The following AGBL1 variants were observed in gnomAD, a reference collection of about 807,000 sequenced individuals.
AGBL1 encodes AGBL carboxypeptidase 1, also known as cytosolic carboxypeptidase 4.
Under a neutral mutation model 118.9 loss-of-function variants are expected in AGBL1, and 130 were observed. The ratio of observed to expected loss-of-function variants is 1.09; its 90% CI spans 0.95 to 1.26. AGBL1 has a LOEUF of 1.26. AGBL1 is among the 50% of genes most tolerant of loss of function. The pLI is 0.00. For synonymous variants in AGBL1, 555 were observed against 478.9 expected, an observed-to-expected ratio of 1.16 and a Z score of -2.08; for missense variants, 1,584 against 1,298.1, an observed-to-expected ratio of 1.22 and a Z score of -3.38.
At chr15:86,196,887 A>G (rs1319159808) in intron 5 of AGBL1, among the ~76,000 whole-genome samples, 4,435 of 128,014 alleles carry the variant, frequency 0.035, 144 homozygotes, top group Admixed American at 0.091. Flanking sequence ...GCGCACACAC[A>G]CACACACACA....
intron 21 of AGBL1, among the ~76,000 whole-genome samples, chr15:86,560,787 C>G (rs2083807087): frequency 6.6e-6 from 1 of 152,210 alleles, no homozygotes; most frequent in Non-Finnish European, 1.5e-5. Context: ...TTCTCCACAT[C>G]CTCTCCAGCA....
chr15:86,212,000 G>C (rs778136915), intron 5 of AGBL1, among the ~76,000 whole-genome samples: 1 of 152,106 alleles, frequency 6.6e-6, no homozygotes, highest in Non-Finnish European at 1.5e-5. Context: ...TTTAAGAGTT[G>C]TCTCCTGGAA....
intron 21 of AGBL1, among the ~76,000 whole-genome samples, chr15:86,625,673 A>C (rs2084876328): frequency 6.6e-6 from 1 of 152,156 alleles, no homozygotes; most frequent in Non-Finnish European, 1.5e-5. Flanking sequence ...ATCAAATGGT[A>C]GTAGCAAAAT....
chr15:86,153,055 T>C (rs2077136597), intron 3 of AGBL1, among the ~76,000 whole-genome samples: 1 of 152,214 alleles, frequency 6.6e-6, no homozygotes, highest in Non-Finnish European at 1.5e-5. Context: ...GCTTTTACAC[T>C]GTTGGTGGGA....
chr15:86,853,841 A>G (rs1026372871), intron 22 of AGBL1, among the ~76,000 whole-genome samples: 1 of 152,186 alleles, frequency 6.6e-6, no homozygotes, highest in African/African-American at 2.4e-5. Context: ...TCATTTACAC[A>G]GTACTATGAC....
intron 22 of AGBL1, among the ~76,000 whole-genome samples, chr15:86,733,188 A>G (rs1253099749): frequency 1.3e-5 from 2 of 151,986 alleles, no homozygotes; most frequent in Admixed American, 6.6e-5. Context: ...CAAAAAGCCA[A>G]TGGTATAGTG....
In AGBL1 at chr15:86,263,632, G is replaced by C. The variant is rs146851012; in HGVS notation, c.1087-626G>C. Among the ~76,000 whole-genome samples the C allele has an allele frequency of 4.1e-3, 623 of 152,300 alleles. 6 individuals are homozygous for C. Among genetic ancestry groups the C allele is most frequent in the African/African-American group, 0.014 (580 of 41,564 alleles). ...TTGAAGGTGGACATACTGACTTCAG[G>C]CTTTCTTTTTTAATAGAAACAAATT... On this transcript the variant is annotated intron_variant, in intron 10 of 22. Coordinates refer to ENST00000614907, the MANE Select transcript of AGBL1 (RefSeq NM_001386094.1).
At chr15:86,427,781 G>A (rs753184203) in intron 18 of AGBL1, among the ~76,000 whole-genome samples, 1 of 152,080 alleles carries the variant, frequency 6.6e-6, no homozygotes, top group East Asian at 1.9e-4. Context: ...TAACACTAGC[G>A]GTTTTTGTGC....
chr15:86,255,190 G>C (rs2078875042), intron 7 of AGBL1, among the ~76,000 whole-genome samples: 1 of 152,128 alleles, frequency 6.6e-6, no homozygotes, highest in South Asian at 2.1e-4. Context: ...TATTATATCT[G>C]ATAAGCCATC....
chr15:86,483,932 C>G (rs1246103403), intron 18 of AGBL1, among the ~76,000 whole-genome samples: 1 of 152,100 alleles, frequency 6.6e-6, no homozygotes, highest in Admixed American at 6.6e-5. Flanking sequence ...AGGGAGCAGT[C>G]AGTATTCAGC....
At chr15:86,696,079 T>C (rs1020868371) in intron 22 of AGBL1, among the ~76,000 whole-genome samples, 1 of 152,084 alleles carries the variant, frequency 6.6e-6, no homozygotes, top group Non-Finnish European at 1.5e-5. Flanking sequence ...TAGAATGTTC[T>C]GTAAACATCT....
At chr15:86,816,329 G>A (rs563254984) in intron 22 of AGBL1, among the ~76,000 whole-genome samples, 8 of 152,294 alleles carry the variant, frequency 5.3e-5, no homozygotes, top group East Asian at 1.9e-4. Flanking sequence ...GTGATACACC[G>A]CAGAATAGTG....
At chr15:86,714,895 A>G (rs996752950) in intron 22 of AGBL1, among the ~76,000 whole-genome samples, 1 of 152,180 alleles carries the variant, frequency 6.6e-6, no homozygotes, top group Non-Finnish European at 1.5e-5. Flanking sequence ...GCAGGCATGC[A>G]ATCAGTCTGC....
chr15:86,220,442 G>A (rs2078263513), intron 5 of AGBL1, among the ~76,000 whole-genome samples: 1 of 152,178 alleles, frequency 6.6e-6, no homozygotes, highest in African/African-American at 2.4e-5. Context: ...TCCCTAAATA[G>A]GGGTGATAAA....
chr15:86,363,670 G>T (rs2080838833), intron 17 of AGBL1, among the ~76,000 whole-genome samples: 1 of 152,020 alleles, frequency 6.6e-6, no homozygotes, highest in Non-Finnish European at 1.5e-5. Context: ...CTCTGTTTCA[G>T]CTATAAACCT....
chr15:86,105,785 A>C (rs1897020706), intron 1 of AGBL1, among the ~76,000 whole-genome samples: 1 of 152,164 alleles, frequency 6.6e-6, no homozygotes, highest in Admixed American at 6.5e-5. Flanking sequence ...CAACCCAATC[A>C]CAGTTCTTTT....
intron 1 of AGBL1, among the ~76,000 whole-genome samples, chr15:86,137,501 A>G (rs1272525735): frequency 6.6e-6 from 1 of 152,224 alleles, no homozygotes; most frequent in East Asian, 1.9e-4. Flanking sequence ...GGGGCTCCTT[A>G]GAGTTGATCT....
intron 17 of AGBL1, among the ~76,000 whole-genome samples, chr15:86,340,658 T>A (rs2080447471): frequency 6.6e-6 from 1 of 152,174 alleles, no homozygotes. Context: ...TAACTTAATG[T>A]TGAGGTAAGC....
intron 6 of AGBL1, among the ~76,000 whole-genome samples, chr15:86,233,604 C>T (rs2078491400): frequency 6.6e-6 from 1 of 152,210 alleles, no homozygotes; most frequent in South Asian, 2.1e-4. Context: ...TCAAGGGACT[C>T]TTTCAGAGCC....
Sources: allele counts gnomAD v4.1 joint callset (sites outside exome capture counted in the v4.1 genomes callset), GRCh38; gene constraint gnomAD v4.1.1; transcripts MANE v1.5; gene names NCBI Gene and HGNC (gene_info 2026-07-23, HGNC 2026-07-21).